Variants in TNRC6B observed in about 807,000 individuals in gnomAD.
TNRC6B encodes trinucleotide repeat-containing gene 6B protein.
A neutral mutation model predicts 203.6 loss-of-function variants in TNRC6B; 52 were observed. The ratio of observed to expected loss-of-function variants is 0.26; its 90% CI spans 0.20 to 0.32. The LOEUF (loss-of-function observed/expected upper bound fraction) is 0.32, where lower values mean the gene tolerates loss of function less well. Ranked by LOEUF, TNRC6B falls within the 10% of genes least tolerant of loss-of-function variation. The pLI, the probability that TNRC6B is intolerant of heterozygous loss-of-function variation, is 1.00. For synonymous variants in TNRC6B, 838 were observed against 845.7 expected (o/e 0.99, Z 0.16); for missense variants, 1,923 against 2,286.2 (o/e 0.84, Z 3.24).
chr22:40,262,811 G>A (rs1286408064), intron 4 of TNRC6B, among the ~76,000 whole-genome samples: 2 of 151,974 alleles, frequency 1.3e-5, no homozygotes, highest in Non-Finnish European at 2.9e-5. Flanking sequence ...AGGCCGAGGC[G>A]GGTGGATCAC....
rs1398396756 is a variant in TNRC6B at position 40,259,285 on chromosome 22, CA to C, written c.116-2546del. On this transcript the variant is annotated intron_variant, in intron 3 of 22. Coordinates refer to ENST00000454349, the MANE Select transcript of TNRC6B (RefSeq NM_001162501.2). ...TGTGGCCCAGGCTGGAGGGCAGTGG[CA>C]CGATCTCGGCTCACTGCAACCCCCG... Among the ~76,000 whole-genome samples the C allele has an allele frequency of 2.0e-5, 3 of 151,838 alleles. No individual in the cohort carries two copies. The East Asian group carries it at 5.8e-4, about 29-fold the overall frequency.
chr22:40,290,770 T>C lies in TNRC6B; in HGVS notation c.3708+5000T>C, dbSNP rs894518136. Among the ~76,000 whole-genome samples, 8 of 152,224 alleles carry C rather than the reference T, an allele frequency of 5.3e-5. No individual in the cohort carries two copies. The East Asian group carries it at 1.5e-3, about 29-fold the overall frequency. The stretch of plus-strand genomic sequence containing the variant: ...CAGGGTCTGGGCCTGCTGTGTTCAC[T>C]GCTGGAGCCTGAGCAGGGCATGTAT... On this transcript the variant is annotated intron_variant, in intron 12 of 22. Transcript: ENST00000454349.
chr22:40,233,401 A>T (rs1229735821), intron 1 of TNRC6B, among the ~76,000 whole-genome samples: 1 of 151,970 alleles, frequency 6.6e-6, no homozygotes, highest in Admixed American at 6.6e-5. Context: ...AGGAGGGTGG[A>T]TCACAAGGTC....
At chr22:40,155,240 G>A (rs533309622) in intron 3 of TNRC6B, among the ~76,000 whole-genome samples, 42 of 152,190 alleles carry the variant, frequency 2.8e-4, no homozygotes, top group African/African-American at 9.2e-4. Flanking sequence ...AGTTACTAAT[G>A]TGTACAGTAA....
At chr22:40,135,419 T>G (rs1268603692) in intron 3 of TNRC6B, among the ~76,000 whole-genome samples, 1 of 152,190 alleles carries the variant, frequency 6.6e-6, no homozygotes, top group Non-Finnish European at 1.5e-5. Flanking sequence ...GCTGAAGAGT[T>G]TCAAGAATAG....
chr22:40,296,673 G>T (rs1260124538), intron 12 of TNRC6B, among the ~76,000 whole-genome samples: 2 of 151,282 alleles, frequency 1.3e-5, no homozygotes, highest in East Asian at 3.9e-4. Flanking sequence ...TGGTGTCCAG[G>T]CTGGAGTGCA....
chr22:40,222,133 C>G (rs1318748483), intron 1 of TNRC6B, among the ~76,000 whole-genome samples: 1 of 152,248 alleles, frequency 6.6e-6, no homozygotes, highest in East Asian at 1.9e-4. Flanking sequence ...CTCGTAGTCC[C>G]TTCCTAAAAG....
At chr22:40,114,195 C>G (rs1024566172) in intron 1 of TNRC6B, among the ~76,000 whole-genome samples, 2 of 152,056 alleles carry the variant, frequency 1.3e-5, no homozygotes, top group Non-Finnish European at 1.5e-5. Flanking sequence ...AGTAAGATAC[C>G]AGCAAAATAA....
intron 5 of TNRC6B, among the ~76,000 whole-genome samples, chr22:40,269,009 T>C (rs957043675): frequency 6.6e-6 from 1 of 151,548 alleles, no homozygotes; most frequent in Non-Finnish European, 1.5e-5. Flanking sequence ...ATTCAAAAAT[T>C]TTACAGAGAA....
rs1296359682 is a variant in TNRC6B, at chr22:40,333,109, T to G, written c.*9868T>G. ...CAGTAATCCCAGCACTTTGGGAGGC[T>G]GAGGCAGGCAGATCATCTGAGGTCA... On this transcript the variant is annotated 3_prime_UTR_variant, in exon 23 of 23. Coordinates refer to ENST00000454349, the MANE Select transcript of TNRC6B (RefSeq NM_001162501.2). 1 of 152,220 alleles carries G rather than the reference T, an allele frequency of 6.6e-6. No individual in the cohort carries two copies. Among genetic ancestry groups the G allele is most frequent in the Non-Finnish European group, 1.5e-5 (1 of 68,110 alleles). 9.4% of individuals were successfully genotyped at this position (152,220 alleles called of 1,614,324 possible). A position where few individuals can be genotyped will look rare whatever the true frequency, so the allele number is the denominator to read the frequency against.
intron 4 of TNRC6B, among the ~76,000 whole-genome samples, chr22:40,165,916 G>A (rs1298835073): frequency 1.3e-5 from 2 of 152,106 alleles, no homozygotes; most frequent in Non-Finnish European, 2.9e-5. Flanking sequence ...ATTTGTGTGG[G>A]GACACAGCCA....
chr22:40,060,311 C>T (rs1265355367), intron 1 of TNRC6B, among the ~76,000 whole-genome samples: 5 of 151,932 alleles, frequency 3.3e-5, no homozygotes, highest in Admixed American at 2.6e-4. Flanking sequence ...ACCTTCACTT[C>T]CTGAGTTCAG....
At chr22:40,102,153 A>T (rs940439940) in intron 1 of TNRC6B, among the ~76,000 whole-genome samples, 3 of 152,154 alleles carry the variant, frequency 2.0e-5, no homozygotes, top group African/African-American at 7.2e-5. Context: ...TATTTTTTTA[A>T]AAAAACATTA....
intron 22 of TNRC6B, 118 bp from the exon 23 acceptor site, chr22:40,322,736 G>T (rs1207422607): frequency 2.4e-6 from 3 of 1,227,074 alleles, no homozygotes; most frequent in Non-Finnish European, 3.4e-6. Context: ...AGCGTTCATG[G>T]ATATGGCAGC....
In TNRC6B at chr22:40,177,974, G is replaced by C. The variant is rs2069083581; in HGVS notation, c.-162G>C. On this transcript the variant is annotated 5_prime_UTR_variant, in exon 1 of 23. Transcript: ENST00000454349. ...CAAGAGGGAGAGTGTGTGAGAGAGA[G>C]TTAGTTCAAGCCAAAATGGCCGACA... 6.8e-7 allele frequency: 1 copy of C among 1,475,520 alleles called. No homozygotes were observed. Among genetic ancestry groups the C allele is most frequent in the Admixed American group, 2.6e-5 (1 of 38,580 alleles). 91.4% of individuals were successfully genotyped at this position (1,475,520 alleles called of 1,614,324 possible).
chr22:40,263,733 A>G (rs2070424045), intron 4 of TNRC6B, among the ~76,000 whole-genome samples: 1 of 152,218 alleles, frequency 6.6e-6, no homozygotes, highest in Non-Finnish European at 1.5e-5. Context: ...CTCATTTAAC[A>G]GATTAAGTTC....
chr22:40,093,651 T>C (rs1251561930), intron 1 of TNRC6B, among the ~76,000 whole-genome samples: 2 of 152,174 alleles, frequency 1.3e-5, no homozygotes, highest in African/African-American at 2.4e-5. Flanking sequence ...ACAAAAGCAT[T>C]TTGAAATAAA....
intron 1 of TNRC6B, among the ~76,000 whole-genome samples, chr22:40,221,285 C>T (rs897219102): frequency 2.0e-5 from 3 of 152,088 alleles, no homozygotes. Context: ...AGATAGATCT[C>T]GACTGTCTAG....
intron 3 of TNRC6B, among the ~76,000 whole-genome samples, chr22:40,154,858 AAAATATATAT>A (rs2068801624): frequency 5.8e-5 from 2 of 34,308 alleles, no homozygotes; most frequent in African/African-American, 4.0e-4. Context: ...AAAAAAAAAA[AAAATATATAT>A]ATATATATAT....
Sources: allele counts gnomAD v4.1 joint callset (sites outside exome capture counted in the v4.1 genomes callset), GRCh38; gene constraint gnomAD v4.1.1; transcripts MANE v1.5; gene names NCBI Gene and HGNC (gene_info 2026-07-23, HGNC 2026-07-21).